The following EVC2 variants were observed in gnomAD, a reference collection of about 807,000 sequenced individuals.
EVC2 encodes the protein EvC ciliary complex subunit 2.
Under a neutral mutation model 149.3 loss-of-function variants are expected in EVC2, and 148 were observed. The observed-to-expected ratio is 0.99, with a 90% confidence interval of 0.87 to 1.14. The LOEUF is 1.14. EVC2 is among the 50% of genes most tolerant of loss of function. The pLI, the probability that EVC2 is intolerant of heterozygous loss-of-function variation, is 0.00. For missense variants in EVC2, 1,854 were observed against 1,627.3 expected (o/e 1.14, Z -2.40); for synonymous variants, 776 against 649.9 (o/e 1.19, Z -2.95).
At chr4:5,683,669 T>C (rs1357233446) in intron 6 of EVC2, among the ~76,000 whole-genome samples, 1 of 151,998 alleles carries the variant, frequency 6.6e-6, no homozygotes, top group Admixed American at 6.6e-5. Context: ...GCGGGACTAT[T>C]TCAGGGTGGG....
At chr4:5,661,152 T>C (rs1718849995) in intron 9 of EVC2, among the ~76,000 whole-genome samples, 1 of 152,104 alleles carries the variant, frequency 6.6e-6, no homozygotes, top group Non-Finnish European at 1.5e-5. Context: ...TAATCTAGAA[T>C]AAAAAAAGTT....
At chr4:5,552,850 C>A (rs562009607) in intron 21 of EVC2, among the ~76,000 whole-genome samples, 30 of 152,286 alleles carry the variant, frequency 2.0e-4, no homozygotes, top group African/African-American at 7.2e-4. Flanking sequence ...AACAGAAGGG[C>A]TTCCATAAGT....
At chr4:5,578,088 A>C (rs1399130059) in intron 17 of EVC2, among the ~76,000 whole-genome samples, 1 of 152,164 alleles carries the variant, frequency 6.6e-6, no homozygotes, top group Non-Finnish European at 1.5e-5. Flanking sequence ...GGTGTCCCCA[A>C]ACCCCTGCAC....
rs906824747 is a variant in EVC2, at chr4:5,697,453, T to A, written c.283+140A>T. On this transcript the variant is annotated intron_variant, in intron 2 of 21. Transcript: ENST00000344408. ...GGTACACTGCCCTAGTTCTGTAAGG[T>A]CAGGGAATGATCTACTTGCCCAAAG... The A allele has an allele frequency of 4.8e-6, 4 of 826,532 alleles. No homozygotes were observed. In the African/African-American group the frequency reaches 5.1e-5, roughly 11 times the overall value. 51.2% of individuals were successfully genotyped at this position (826,532 alleles called of 1,614,324 possible).
rs146566507 is a variant in EVC2, at chr4:5,639,110, CCT to C, written c.1470+1402_1470+1403del. On this transcript the variant is annotated intron_variant, in intron 10 of 21. Transcript: ENST00000344408. ...TGCCCCTTTTCTTTACTGCTCATCC[CCT>C]GTCTGACCACAGATGACCATCTGTG... Among the ~76,000 whole-genome samples the C allele has an allele frequency of 3.6e-3, 555 of 152,074 alleles. 4 individuals carry two copies. The highest frequency in any genetic ancestry group is 0.013 in the African/African-American group (529 of 41,496).
At chr4:5,687,911 G>C (rs190376021) in intron 5 of EVC2, among the ~76,000 whole-genome samples, 1 of 152,040 alleles carries the variant, frequency 6.6e-6, no homozygotes, top group African/African-American at 2.4e-5. Flanking sequence ...ACTGATATTC[G>C]CACAACCAGA....
chr4:5,707,708 T>C (rs981664433), intron 1 of EVC2, among the ~76,000 whole-genome samples: 1 of 151,956 alleles, frequency 6.6e-6, no homozygotes, highest in Admixed American at 6.5e-5. Context: ...TGACCAGCTT[T>C]GTCGGGGGAG....
intron 16 of EVC2, among the ~76,000 whole-genome samples, chr4:5,596,223 C>G (rs4697882): frequency 6.6e-6 from 1 of 151,980 alleles, no homozygotes; most frequent in Non-Finnish European, 1.5e-5. Context: ...GCGGACCTAA[C>G]AGACATCTAC....
chr4:5,627,282 G>C (rs1716185331), intron 12 of EVC2, among the ~76,000 whole-genome samples: 1 of 152,198 alleles, frequency 6.6e-6, no homozygotes, highest in Non-Finnish European at 1.5e-5. Context: ...TTTTAAAATA[G>C]AATTTGAAAA....
chr4:5,614,823 C>G lies in EVC2; in HGVS notation c.2829+599G>C, dbSNP rs1715113513. Among the ~76,000 whole-genome samples the G allele has an allele frequency of 7.9e-6, 1 of 127,238 alleles. No individual in the cohort carries two copies. The highest frequency in any genetic ancestry group is 2.3e-4 in the South Asian group (1 of 4,288). The allele number at this position is 127,238 out of a possible 152,430, so 83.5% of individuals were successfully genotyped here. ...TGAAACCACATGTCTACTAAAAATACAAAAATTAGCAGGTGTGATGGTGGG... is the reference window on the plus strand; with the variant it reads ...TGAAACCACATGTCTACTAAAAATAGAAAAATTAGCAGGTGTGATGGTGGG... On this transcript the variant is annotated intron_variant, in intron 16 of 21. Transcript: ENST00000344408. This position sits in a 1 kb window ranked among gnomAD's most constrained non-coding sequence, Gnocchi z 4.7.
rs183621383 is a variant in EVC2, at chr4:5,636,175, C to G, written c.1471-4143G>C. On this transcript the variant is annotated intron_variant, in intron 10 of 21. Coordinates refer to ENST00000344408, the MANE Select transcript of EVC2 (RefSeq NM_147127.5). The surrounding 1 kb of genome is among the most constrained non-coding windows in gnomAD (Gnocchi z 4.6). ...CCAGGGTGACTGGGTAACGTGCCTA[C>G]TGGAGGAAAAGAGGGAGGAAATAAA... is the stretch of plus-strand genomic sequence containing the variant. 2.0e-4 allele frequency among the ~76,000 whole-genome samples: 31 copies of G among 152,278 alleles called. No homozygotes were observed. Among genetic ancestry groups the G allele is most frequent in the Admixed American group, 1.7e-3 (26 of 15,296 alleles).
chr4:5,568,663 T>G (rs1429499423), intron 19 of EVC2, 23 bp from the exon 20 acceptor site: 2 of 1,600,932 alleles, frequency 1.2e-6, no homozygotes, highest in Non-Finnish European at 1.7e-6. Context: ...ACAGAGGGAG[T>G]TCAGACCCTC....
downstream of EVC2, among the ~76,000 whole-genome samples, chr4:5,560,823 A>G (rs1233609439): frequency 6.6e-6 from 1 of 152,224 alleles, no homozygotes; most frequent in African/African-American, 2.4e-5. The surrounding 1 kb of genome is among the most constrained non-coding windows in gnomAD (Gnocchi z 4.1). Context: ...AAAGAGACTG[A>G]AGTTTAGAGT....
chr4:5,681,238 C>A (rs943897565), intron 7 of EVC2, 22 bp downstream of exon 7: 1 of 1,614,176 alleles, frequency 6.2e-7, no homozygotes, highest in East Asian at 2.2e-5. Flanking sequence ...TGAGGGTGCT[C>A]AGGGCATGTC....
chr4:5,634,555 G>A (rs1716765403), intron 10 of EVC2, among the ~76,000 whole-genome samples: 1 of 152,080 alleles, frequency 6.6e-6, no homozygotes. Flanking sequence ...AAAATATTTG[G>A]GCCTTTTTTA....
At position 5,696,787 on chromosome 4, in the gene EVC2, A is replaced by G. The variant is rs1721503891; in HGVS notation, c.283+806T>C. ...AATTCCTCTTGATGAAATGAGTGTC[A>G]GTTGAATTTCGACCACTGAGTGTGG... On this transcript the variant is annotated intron_variant, in intron 2 of 21. Coordinates refer to ENST00000344408, the MANE Select transcript of EVC2 (RefSeq NM_147127.5). This position sits in a 1 kb window ranked among gnomAD's most constrained non-coding sequence, Gnocchi z 4.1. 6.6e-6 allele frequency among the ~76,000 whole-genome samples: 1 copy of G among 152,204 alleles called. No homozygotes were observed. Among genetic ancestry groups the G allele is most frequent in the Non-Finnish European group, 1.5e-5 (1 of 68,032 alleles).
At position 5,696,013 on chromosome 4, in the gene EVC2, C is replaced by T. The variant is rs1324233129; in HGVS notation, c.284-1512G>A. ...GGATAAGGGCTCCAATTGCATCAAG[C>T]ATCGGGGAACTGATGGCCCTCGCCA... On this transcript the variant is annotated intron_variant, in intron 2 of 21. Transcript: ENST00000344408. The surrounding 1 kb of genome is among the most constrained non-coding windows in gnomAD (Gnocchi z 4.1). Among the ~76,000 whole-genome samples the T allele has an allele frequency of 6.6e-6, 1 of 152,180 alleles. No homozygotes were observed. Among genetic ancestry groups the T allele is most frequent in the African/African-American group, 2.4e-5 (1 of 41,452 alleles).
intron 19 of EVC2, among the ~76,000 whole-genome samples, chr4:5,570,690 G>A (rs189783457): frequency 4.7e-4 from 72 of 152,244 alleles, no homozygotes; most frequent in Non-Finnish European, 7.6e-4. Flanking sequence ...AAGACACATG[G>A]ACATGCATGT....
At chr4:5,655,129 A>G (rs1316773848) in intron 9 of EVC2, among the ~76,000 whole-genome samples, 1 of 152,186 alleles carries the variant, frequency 6.6e-6, no homozygotes, top group Non-Finnish European at 1.5e-5. Flanking sequence ...GTGGGAACCC[A>G]GCAGGCATTC....
Sources: allele counts gnomAD v4.1 joint callset (sites outside exome capture counted in the v4.1 genomes callset), GRCh38; gene constraint gnomAD v4.1.1; non-coding constraint Gnocchi (gnomAD v3.1); transcripts MANE v1.5; gene names NCBI Gene and HGNC (gene_info 2026-07-23, HGNC 2026-07-21).